The following MTUS2 variants were observed in gnomAD, a reference collection of about 807,000 sequenced individuals.
MTUS2 encodes microtubule associated scaffold protein 2.
Under a neutral mutation model 114.1 loss-of-function variants are expected in MTUS2, and 40 were observed. That is an observed-to-expected ratio of 0.35 (90% confidence interval 0.27 to 0.46). The LOEUF is 0.46. MTUS2 is among the 20% of genes least tolerant of loss of function. MTUS2 has a pLI of 1.00. For synonymous variants in MTUS2, 688 were observed against 672.0 expected, an observed-to-expected ratio of 1.02 and a Z score of -0.37; for missense variants, 1,679 against 1,705.4, an observed-to-expected ratio of 0.98 and a Z score of 0.27.
At chr13:29,201,648 T>C (rs1051344829) in intron 5 of MTUS2, among the ~76,000 whole-genome samples, 4 of 152,228 alleles carry the variant, frequency 2.6e-5, no homozygotes, top group African/African-American at 7.2e-5. Context: ...GTAGTGGTTG[T>C]TCCTTTCCAT....
At chr13:29,075,391 T>G (rs1889145701) in intron 4 of MTUS2, among the ~76,000 whole-genome samples, 1 of 152,222 alleles carries the variant, frequency 6.6e-6, no homozygotes, top group South Asian at 2.1e-4. Context: ...TTTCCTTTTT[T>G]ATAAAAGTTT....
intron 1 of MTUS2, among the ~76,000 whole-genome samples, chr13:28,837,091 G>A (rs372556347): frequency 1.1e-4 from 16 of 152,090 alleles, no homozygotes; most frequent in Middle Eastern, 3.2e-3. Context: ...CTGCTGAATC[G>A]AGAGACCGCT....
intron 2 of MTUS2, among the ~76,000 whole-genome samples, chr13:28,893,772 G>C (rs909709150): frequency 6.6e-6 from 1 of 152,168 alleles, no homozygotes; most frequent in African/African-American, 2.4e-5. Flanking sequence ...AGGTTAAACA[G>C]ACATTCCATA....
intron 2 of MTUS2, among the ~76,000 whole-genome samples, chr13:29,006,872 C>A (rs1052493213): frequency 1.3e-5 from 2 of 152,190 alleles, no homozygotes; most frequent in Non-Finnish European, 2.9e-5. Context: ...TCTTGGAAAT[C>A]CTTCATCCAT....
chr13:29,197,968 T>C (rs753731390), intron 5 of MTUS2, among the ~76,000 whole-genome samples: 1 of 152,188 alleles, frequency 6.6e-6, no homozygotes, highest in Admixed American at 6.5e-5. Flanking sequence ...GTCAGATAAA[T>C]AGATTGCAAA....
intron 1 of MTUS2, among the ~76,000 whole-genome samples, chr13:28,828,865 G>C (rs1874458625): frequency 6.6e-6 from 1 of 152,122 alleles, no homozygotes; most frequent in Admixed American, 6.5e-5. Flanking sequence ...CTCCAGTTTG[G>C]TTTGTAATAG....
chr13:28,916,688 T>C (rs1346629335), intron 2 of MTUS2, among the ~76,000 whole-genome samples: 3 of 151,970 alleles, frequency 2.0e-5, no homozygotes, highest in East Asian at 1.9e-4. Context: ...TAGGTTTTTT[T>C]CAAATATAAA....
intron 2 of MTUS2, among the ~76,000 whole-genome samples, chr13:28,842,461 G>A (rs1177970262): frequency 6.6e-6 from 1 of 152,184 alleles, no homozygotes. Flanking sequence ...TAGAGAGAAT[G>A]ATATTCCTTA....
chr13:29,309,148 T>C (rs997771469), intron 6 of MTUS2, among the ~76,000 whole-genome samples: 7 of 152,172 alleles, frequency 4.6e-5, no homozygotes, highest in Admixed American at 3.9e-4. Context: ...GCAGCACCCT[T>C]CACAATAGCA....
At chr13:28,823,264 A>G (rs1022782701) in intron 1 of MTUS2, among the ~76,000 whole-genome samples, 1 of 152,252 alleles carries the variant, frequency 6.6e-6, no homozygotes, top group African/African-American at 2.4e-5. Flanking sequence ...AAAATATCCT[A>G]CAGGAAACAA....
At chr13:29,432,925 C>G (rs1033461064) in intron 8 of MTUS2, among the ~76,000 whole-genome samples, 2 of 152,188 alleles carry the variant, frequency 1.3e-5, no homozygotes, top group Non-Finnish European at 2.9e-5. Flanking sequence ...TGTGTATGTG[C>G]TCTGACAGTA....
At chr13:29,438,730 G>T (rs576399000) in intron 8 of MTUS2, among the ~76,000 whole-genome samples, 1 of 152,240 alleles carries the variant, frequency 6.6e-6, no homozygotes, top group Admixed American at 6.5e-5. Flanking sequence ...ATCTATTGCT[G>T]CATTTTCTTA....
At chr13:28,966,437 A>G (rs941784011) in intron 2 of MTUS2, among the ~76,000 whole-genome samples, 1 of 152,208 alleles carries the variant, frequency 6.6e-6, no homozygotes, top group Non-Finnish European at 1.5e-5. Flanking sequence ...AGAATTGGCT[A>G]TCGGCTGGGT....
chr13:29,372,429 T>A (rs1871268679), intron 8 of MTUS2, among the ~76,000 whole-genome samples: 1 of 152,140 alleles, frequency 6.6e-6, no homozygotes, highest in South Asian at 2.1e-4. Context: ...CCTTGTTGAT[T>A]TCTTGCTGCC....
At chr13:28,856,839 A>G (rs1303514346) in intron 2 of MTUS2, among the ~76,000 whole-genome samples, 1 of 152,194 alleles carries the variant, frequency 6.6e-6, no homozygotes, top group East Asian at 1.9e-4. Context: ...TTTTGCTGTG[A>G]TTTTGTTAAG....
chr13:29,025,648 C>G lies in MTUS2; in HGVS notation c.950C>G (p.Pro317Arg), dbSNP rs1463958552. The G allele has an allele frequency of 1.2e-6, 2 of 1,613,972 alleles. No individual in the cohort carries two copies. Among genetic ancestry groups the G allele is most frequent in the Non-Finnish European group, 8.5e-7 (1 of 1,179,886 alleles). ...EAKLDLKYVP[P>R]RRVEQEGKAA... is the part of the protein sequence containing the mutation. ...AAGCTGGATCTGAAATATGTTCCTC[C>G]CAGGAGAGTTGAACAGGAGGGAAAG... Residue 317 changes from proline (P) to arginine (R), a missense_variant, in exon 3 of 16, where the codon CCC becomes CGC. This residue lies in a region of MTUS2 where 843 missense variants were observed against 770.8 expected (regional missense o/e 1.09). Transcript: ENST00000612955.
chr13:28,935,649 G>T (rs1881863988), intron 2 of MTUS2, among the ~76,000 whole-genome samples: 1 of 152,094 alleles, frequency 6.6e-6, no homozygotes, highest in Admixed American at 6.6e-5. Context: ...AGTCTCCATG[G>T]ATTATTGTCT....
intron 5 of MTUS2, among the ~76,000 whole-genome samples, chr13:29,135,008 C>T (rs916316770): frequency 4.6e-5 from 7 of 152,162 alleles, no homozygotes; most frequent in African/African-American, 9.7e-5. Flanking sequence ...AACCAAGGTC[C>T]GAAAATATTA....
chr13:29,043,626 T>TAG (rs1555288710), intron 4 of MTUS2, among the ~76,000 whole-genome samples: 1 of 151,616 alleles, frequency 6.6e-6, no homozygotes, highest in Non-Finnish European at 1.5e-5. Flanking sequence ...GCTCCAGTGT[T>TAG]AGAGATATAT....
Sources: gnomAD v4.1 joint callset for allele counts (sites outside exome capture counted in the v4.1 genomes callset) on GRCh38, gnomAD v4.1.1 for gene constraint, gnomAD v4.1.1 regional missense constraint, MANE v1.5 for transcripts, NCBI Gene and HGNC (gene_info 2026-07-23, HGNC 2026-07-21) for gene names.